The following FGF20 variants were observed in gnomAD, a reference collection of about 807,000 sequenced individuals.
FGF20 encodes fibroblast growth factor 20.
In FGF20, 8 loss-of-function variants were observed where a neutral mutation model predicts 16.7. The ratio of observed to expected loss-of-function variants is 0.48; its 90% CI spans 0.28 to 0.87. FGF20 has a LOEUF of 0.87. Among genes scored for constraint, FGF20 ranks in the 40% least tolerant of loss-of-function variants. The pLI, the probability that FGF20 is intolerant of heterozygous loss-of-function variation, is 0.10. For synonymous variants in FGF20, 161 were observed against 118.6 expected (o/e 1.36, Z -2.32); for missense variants, 397 against 281.4 (o/e 1.41, Z -2.94).
intron 1 of FGF20, among the ~76,000 whole-genome samples, chr8:17,000,928 C>T (rs1000938838): frequency 6.6e-6 from 1 of 152,100 alleles, no homozygotes; most frequent in Admixed American, 6.5e-5. Context: ...TTTCCCATTT[C>T]CTCTTTCCTA....
Position 16,992,873 on chromosome 8 carries a change from A to G in FGF20, c.*199T>C, listed in dbSNP as rs965734689. Reference sequence around the variant, plus strand: ...ATGTATCTAAGGGAACTTAATCCACATATAAAGAGTGATCATGATCTATTT... The same window carrying G: ...ATGTATCTAAGGGAACTTAATCCACGTATAAAGAGTGATCATGATCTATTT... On this transcript the variant is annotated 3_prime_UTR_variant, in exon 3 of 3. Transcript: ENST00000180166. 10 of 605,324 alleles carry G rather than the reference A, an allele frequency of 1.7e-5. No individual in the cohort carries two copies. In the African/African-American group the frequency reaches 1.9e-4, roughly 11 times the overall value. The allele number at this position is 605,324 out of a possible 1,614,324, so 37.5% of individuals were successfully genotyped here.
intron 1 of FGF20, among the ~76,000 whole-genome samples, chr8:16,997,296 G>A (rs984705638): frequency 1.3e-5 from 2 of 152,008 alleles, no homozygotes; most frequent in Non-Finnish European, 2.9e-5. Flanking sequence ...GCTTGGCACT[G>A]CCTTCCTCAA....
At chr8:17,000,530 G>A (rs1810158259) in intron 1 of FGF20, among the ~76,000 whole-genome samples, 1 of 152,170 alleles carries the variant, frequency 6.6e-6, no homozygotes, top group South Asian at 2.1e-4. Context: ...GCTACGGATT[G>A]TGGGTGACAA....
chr8:17,002,061 C>G lies in FGF20; in HGVS notation c.-29G>C, dbSNP rs1363280958. ...GGGGGAGATCCGGAACACAAAAGAC[C>G]CCCCCAGTAAAGAGTGTTGTGGGGG... is the stretch of plus-strand genomic sequence containing the variant. On this transcript the variant is annotated 5_prime_UTR_variant, in exon 1 of 3. Coordinates refer to ENST00000180166, the MANE Select transcript of FGF20 (RefSeq NM_019851.3). 2.6e-6 allele frequency: 4 copies of G among 1,512,920 alleles called. No homozygotes were observed. In the African/African-American group the frequency reaches 4.3e-5, roughly 16 times the overall value. 93.7% of individuals were successfully genotyped at this position (1,512,920 alleles called of 1,614,324 possible).
At chr8:16,993,901 C>G (rs1407530073) in intron 2 of FGF20, among the ~76,000 whole-genome samples, 1 of 152,044 alleles carries the variant, frequency 6.6e-6, no homozygotes, top group African/African-American at 2.4e-5. Flanking sequence ...GGAGGCGGAG[C>G]TTAGGTGGGA....
intron 2 of FGF20, 23 bp from the exon 3 acceptor site, chr8:16,993,340 T>A: frequency 6.4e-7 from 1 of 1,564,592 alleles, no homozygotes; most frequent in South Asian, 1.2e-5. Context: ...AGATAACTAT[T>A]ATTTTTTAAA....
intron 1 of FGF20, among the ~76,000 whole-genome samples, chr8:16,997,578 T>A (rs1361917827): frequency 6.6e-6 from 1 of 152,172 alleles, no homozygotes; most frequent in East Asian, 1.9e-4. Context: ...TATTAGGAGA[T>A]CATGTAGAAC....
intron 1 of FGF20, among the ~76,000 whole-genome samples, chr8:16,997,633 A>T (rs573674610): frequency 1.3e-5 from 2 of 152,334 alleles, no homozygotes; most frequent in East Asian, 3.9e-4. Context: ...ACTGCTAAAT[A>T]GTCTATAAGT....
chr8:16,999,812 TA>T (rs1192238948), intron 1 of FGF20, among the ~76,000 whole-genome samples: 1 of 151,788 alleles, frequency 6.6e-6, no homozygotes, highest in African/African-American at 2.4e-5. Flanking sequence ...GCGCTGGGAT[TA>T]CAGGCGTGAG....
At chr8:17,000,436 G>A (rs1810154822) in intron 1 of FGF20, among the ~76,000 whole-genome samples, 1 of 151,300 alleles carries the variant, frequency 6.6e-6, no homozygotes, top group South Asian at 2.1e-4. Context: ...GTCAAAAAGG[G>A]AATAATTATA....
In FGF20 at chr8:17,001,849, C is replaced by A. The variant is rs779946155; in HGVS notation, c.184G>T (p.Gly62Cys). The change falls in exon 1 of 3, where the codon GGC (glycine) becomes TGC (cysteine). Residue 62 changes from glycine to cysteine, a missense_variant. Gly to Cys is a radical substitution (Grantham distance 159). Coordinates refer to ENST00000180166, the MANE Select transcript of FGF20 (RefSeq NM_019851.3). Reference protein sequence around the residue: ...PGAAQLAHLHGILRRRQLYCR... With the variant: ...PGAAQLAHLHCILRRRQLYCR... ...TAGAGCTGCCGGCGGCGCAGGATGC[C>A]GTGCAGGTGCGCCAGCTGCGCAGCC... is the stretch of plus-strand genomic sequence containing the variant. 6 of 1,499,662 alleles carry A rather than the reference C, an allele frequency of 4.0e-6. No individual in the cohort carries two copies. Among genetic ancestry groups the A allele is most frequent in the South Asian group, 3.8e-5 (3 of 79,130 alleles). The allele number at this position is 1,499,662 out of a possible 1,614,324, so 92.9% of individuals were successfully genotyped here. A position where few individuals can be genotyped will look rare whatever the true frequency, so the allele number is the denominator to read the frequency against.
chr8:16,993,435 T>C lies in FGF20; in HGVS notation c.391-118A>G, dbSNP rs541571938. 5.1e-5 allele frequency: 55 copies of C among 1,070,104 alleles called. No homozygotes were observed. In the Admixed American group the frequency reaches 1.0e-3, roughly 20 times the overall value. The allele number at this position is 1,070,104 out of a possible 1,614,324, so 66.3% of individuals were successfully genotyped here. ...TTGTCAAAGAAAGAAAAAGGTTAAA[T>C]TGGTTTTGCTTTATTTTGTTTTAGT... On this transcript the variant is annotated intron_variant, in intron 2 of 2. Transcript: ENST00000180166.
intron 2 of FGF20, among the ~76,000 whole-genome samples, chr8:16,994,947 C>T (rs1689884): frequency 6.6e-6 from 1 of 152,158 alleles, no homozygotes; most frequent in South Asian, 2.1e-4. Context: ...TCCTGCTATT[C>T]TAATTCTTGT....
Position 17,002,155 on chromosome 8 carries a change from C to CT in FGF20, c.-124dup. 9.9e-7 allele frequency: 1 copy of CT among 1,007,300 alleles called. No homozygotes were observed. The highest frequency in any genetic ancestry group is 3.4e-5 in the East Asian group (1 of 29,762). The allele number at this position is 1,007,300 out of a possible 1,614,324, so 62.4% of individuals were successfully genotyped here. A position where few individuals can be genotyped will look rare whatever the true frequency, so the allele number is the denominator to read the frequency against. ...AAAAAGTTAAGGCCCGGTTACTCCT[C>CT]TGAGGTCGCTCCGGAGGGACTTTGC... On this transcript the variant is annotated 5_prime_UTR_variant, in exon 1 of 3. Transcript: ENST00000180166.
At chr8:16,995,599 A>G in intron 2 of FGF20, 56 bp downstream of exon 2, 2 of 705,494 alleles carry the variant, frequency 2.8e-6, no homozygotes, top group Non-Finnish European at 2.2e-6. Flanking sequence ...ATTACATAAT[A>G]GATAGTCAAT....
At chr8:16,998,666 A>T (rs1169841454) in intron 1 of FGF20, among the ~76,000 whole-genome samples, 3 of 152,164 alleles carry the variant, frequency 2.0e-5, no homozygotes, top group African/African-American at 7.2e-5. Context: ...CAGGTGAGTC[A>T]ACCCACAATG....
intron 1 of FGF20, among the ~76,000 whole-genome samples, chr8:17,001,141 C>T (rs943195633): frequency 6.6e-6 from 1 of 151,046 alleles, no homozygotes; most frequent in African/African-American, 2.4e-5. Flanking sequence ...AATGTGCCCA[C>T]GGAAAGTTAA....
intron 2 of FGF20, 112 bp downstream of exon 2, chr8:16,995,539 CGTAA>C (rs1435294245): frequency 4.6e-5 from 21 of 457,332 alleles, no homozygotes; most frequent in Non-Finnish European, 7.5e-5. Context: ...TCAATTTCTA[CGTAA>C]GTATGTTTTA....
rs1810207935 is a variant in FGF20, at chr8:17,002,295, A to G, written c.-263T>C. 2.5e-5 allele frequency: 10 copies of G among 397,084 alleles called. No individual in the cohort carries two copies. Among genetic ancestry groups the G allele is most frequent in the Middle Eastern group, 6.3e-4 (1 of 1,578 alleles). 24.6% of individuals were successfully genotyped at this position (397,084 alleles called of 1,614,324 possible). ...TATAGCTGCCGCTGCCAATACTAGG[A>G]CTAGGGCTGTTGGCTGGGGCTCCAA... On this transcript the variant is annotated 5_prime_UTR_variant, in exon 1 of 3. Transcript: ENST00000180166.
Sources: gnomAD v4.1 joint callset for allele counts (sites outside exome capture counted in the v4.1 genomes callset) on GRCh38, gnomAD v4.1.1 for gene constraint, MANE v1.5 for transcripts, NCBI Gene and HGNC (gene_info 2026-07-23, HGNC 2026-07-21) for gene names.